Variants in PRKN observed in about 807,000 individuals in gnomAD.
PRKN encodes the protein E3 ubiquitin-protein ligase parkin.
PRKN carries 56 observed loss-of-function variants against 59.5 expected under a neutral mutation model. The ratio of observed to expected loss-of-function variants is 0.94; its 90% CI spans 0.76 to 1.18. PRKN has a LOEUF of 1.18. Ranked by LOEUF, PRKN falls within the 50% of genes most tolerant of loss-of-function variation. The pLI is 0.00. For synonymous variants in PRKN, 250 were observed against 222.1 expected (o/e 1.13, Z -1.12); for missense variants, 657 against 596.4 (o/e 1.10, Z -1.06).
chr6:162,227,273 T>A (rs1778222882), intron 3 of PRKN, among the ~76,000 whole-genome samples: 2 of 152,194 alleles, frequency 1.3e-5, no homozygotes, highest in Non-Finnish European at 2.9e-5. Context: ...CATTTTTAGC[T>A]ATGCAACACT....
At chr6:161,929,460 A>G (rs1015041605) in intron 6 of PRKN, among the ~76,000 whole-genome samples, 4 of 151,272 alleles carry the variant, frequency 2.6e-5, no homozygotes, top group Non-Finnish European at 5.9e-5. Flanking sequence ...TGGGAAAGGT[A>G]CTTAATGCTA....
intron 6 of PRKN, among the ~76,000 whole-genome samples, chr6:161,943,644 CTGAGGGATCAGCCTTGAGGAATCAGG>C (rs1165383047): frequency 4.6e-5 from 7 of 152,120 alleles, no homozygotes; most frequent in Non-Finnish European, 7.4e-5. Flanking sequence ...AGGAAATACC[CTGAGGGATCAGCCTTGAGGAATCAGG>C]TGAGGCATCA....
chr6:161,707,916 T>G (rs938581407), intron 7 of PRKN, among the ~76,000 whole-genome samples: 2 of 152,158 alleles, frequency 1.3e-5, no homozygotes, highest in African/African-American at 4.8e-5. Flanking sequence ...AGATTAGAAA[T>G]TCTCCTTAAT....
At chr6:162,686,053 A>G (rs1779963511) in intron 1 of PRKN, among the ~76,000 whole-genome samples, 1 of 152,190 alleles carries the variant, frequency 6.6e-6, no homozygotes, top group South Asian at 2.1e-4. Flanking sequence ...CCTTTTAAGC[A>G]CTGTCTGGGT....
intron 4 of PRKN, among the ~76,000 whole-genome samples, chr6:162,141,641 T>C (rs910866916): frequency 2.6e-5 from 4 of 152,198 alleles, no homozygotes; most frequent in African/African-American, 4.8e-5. Flanking sequence ...GCAGTCAATA[T>C]TGGTAATAGA....
intron 7 of PRKN, among the ~76,000 whole-genome samples, chr6:161,601,916 C>G (rs1782122161): frequency 1.3e-5 from 2 of 152,138 alleles, no homozygotes; most frequent in Admixed American, 1.3e-4. Context: ...ATTTAAGACA[C>G]AATGTATTTA....
intron 2 of PRKN, among the ~76,000 whole-genome samples, chr6:162,327,886 T>C (rs547184751): frequency 8.5e-5 from 13 of 152,226 alleles, no homozygotes; most frequent in Non-Finnish European, 1.5e-4. Flanking sequence ...TGGAGCTCTG[T>C]CTGAGAGAAT....
intron 6 of PRKN, among the ~76,000 whole-genome samples, chr6:161,810,538 T>C (rs778707394): frequency 6.6e-6 from 1 of 152,186 alleles, no homozygotes; most frequent in South Asian, 2.1e-4. Flanking sequence ...TTTATACCCA[T>C]ATACAAAAGC....
At chr6:161,435,767 A>G (rs1788850839) in intron 9 of PRKN, among the ~76,000 whole-genome samples, 1 of 147,810 alleles carries the variant, frequency 6.8e-6, no homozygotes, top group South Asian at 2.2e-4. Flanking sequence ...AGTTGTATTT[A>G]TTTCTGGATT....
chr6:161,829,337 C>T (rs978335051), intron 6 of PRKN, among the ~76,000 whole-genome samples: 5 of 152,218 alleles, frequency 3.3e-5, no homozygotes, highest in African/African-American at 4.8e-5. Flanking sequence ...CAACCACAGT[C>T]TGGTCTGCAG....
chr6:162,443,502 GAA>G, intron 1 of PRKN, 29 bp from the exon 2 acceptor site: 1 of 1,610,014 alleles, frequency 6.2e-7, no homozygotes, highest in Non-Finnish European at 8.5e-7. Flanking sequence ...AGGGAGAAGA[GAA>G]AGTGAGCATC....
At chr6:162,173,245 A>T (rs1783369378) in intron 4 of PRKN, among the ~76,000 whole-genome samples, 1 of 152,040 alleles carries the variant, frequency 6.6e-6, no homozygotes, top group South Asian at 2.1e-4. Flanking sequence ...TGGTCTTACT[A>T]CAGTCATTGC....
At chr6:161,844,521 T>C (rs940700089) in intron 6 of PRKN, among the ~76,000 whole-genome samples, 12 of 152,238 alleles carry the variant, frequency 7.9e-5, no homozygotes, top group African/African-American at 2.9e-4. Flanking sequence ...ACTCTGTCCA[T>C]ATCCTGGCTA....
intron 7 of PRKN, among the ~76,000 whole-genome samples, chr6:161,594,005 A>G (rs1781822301): frequency 6.6e-6 from 1 of 151,722 alleles, no homozygotes; most frequent in Non-Finnish European, 1.5e-5. Flanking sequence ...AAAAACAAAA[A>G]ACAAAAACCC....
intron 4 of PRKN, among the ~76,000 whole-genome samples, chr6:162,195,677 G>A (rs560379372): frequency 1.3e-5 from 2 of 151,960 alleles, no homozygotes; most frequent in South Asian, 4.1e-4. Context: ...TTGAGATAAA[G>A]TAATTACGGT....
intron 1 of PRKN, among the ~76,000 whole-genome samples, chr6:162,711,279 A>C (rs1227397815): frequency 6.6e-6 from 1 of 152,156 alleles, no homozygotes; most frequent in Non-Finnish European, 1.5e-5. Flanking sequence ...CAGATTAAAG[A>C]GCCCCTCTGT....
In PRKN at chr6:162,568,709, G is replaced by A. The variant is rs1041690621; in HGVS notation, c.8-125236C>T. ...TCCTGCAGCAGCAGAAGATGGCTTG[G>A]AGCAACATGGGCAACATGTTCAAGA... On this transcript the variant is annotated intron_variant, in intron 1 of 11. Coordinates refer to ENST00000366898, the MANE Select transcript of PRKN (RefSeq NM_004562.3). The A allele has an allele frequency of 5.1e-6, 4 of 784,820 alleles. No homozygotes were observed. The Admixed American group carries it at 6.9e-5, about 14-fold the overall frequency. The allele number at this position is 784,820 out of a possible 1,614,324, so 48.6% of individuals were successfully genotyped here. A position where few individuals can be genotyped will look rare whatever the true frequency, so the allele number is the denominator to read the frequency against.
intron 1 of PRKN, among the ~76,000 whole-genome samples, chr6:162,494,859 C>G (rs1197648094): frequency 6.6e-6 from 1 of 152,212 alleles, no homozygotes; most frequent in Non-Finnish European, 1.5e-5. Context: ...TAACAGAACC[C>G]TGGCTCCACT....
intron 1 of PRKN, among the ~76,000 whole-genome samples, chr6:162,500,787 C>A (rs1346089256): frequency 6.6e-6 from 1 of 152,040 alleles, no homozygotes; most frequent in African/African-American, 2.4e-5. Context: ...GAAAGAAGGG[C>A]CTTAAATGTA....
Sources: gnomAD v4.1 joint callset for allele counts (sites outside exome capture counted in the v4.1 genomes callset) on GRCh38, gnomAD v4.1.1 for gene constraint, MANE v1.5 for transcripts, NCBI Gene and HGNC (gene_info 2026-07-23, HGNC 2026-07-21) for gene names.